Variants in NDP observed in about 807,000 individuals in gnomAD.
The protein encoded by NDP is norrin cystine knot growth factor NDP.
NDP carries 2 observed loss-of-function variants against 8.4 expected under a neutral mutation model. The observed-to-expected ratio is 0.24, with a 90% CI of 0.10 to 0.75. The LOEUF is 0.75. Among genes scored for constraint, NDP ranks in the 30% least tolerant of loss-of-function variants. The pLI is 0.73. For missense variants in NDP, 81 were observed against 110.1 expected, an observed-to-expected ratio of 0.74 and a Z score of 1.18; for synonymous variants, 55 against 45.6, an observed-to-expected ratio of 1.21 and a Z score of -0.83.
rs752083237 is a variant in NDP, at chrX:43,949,534, T to C, written c.*265A>G. On this transcript the variant is annotated 3_prime_UTR_variant, in exon 3 of 3. Coordinates refer to ENST00000642620, the MANE Select transcript of NDP (RefSeq NM_000266.4). ...TGAATTGTTGGAAACCCAAACAGCATTGAGAGCCAAGGGGGAAAATGCCTG... is the reference window on the plus strand; with the variant it reads ...TGAATTGTTGGAAACCCAAACAGCACTGAGAGCCAAGGGGGAAAATGCCTG... The C allele has an allele frequency of 5.2e-6, 2 of 382,336 alleles. No individual in the cohort carries two copies. Among genetic ancestry groups the C allele is most frequent in the Admixed American group, 8.6e-5 (2 of 23,221 alleles). The allele number at this position is 382,336 out of a possible 1,213,427, so 31.5% of individuals were successfully genotyped here.
intron 1 of NDP, among the ~76,000 whole-genome samples, chrX:43,959,217 A>G (rs1354461731): frequency 2.7e-5 from 3 of 111,318 alleles, no homozygotes; most frequent in Non-Finnish European, 3.8e-5. Context: ...TCGGGGCGGG[A>G]GGGTCTATTC....
Position 43,958,627 on chromosome X carries a change from C to G in NDP, c.19G>C (p.Ala7Pro). 2 of 1,211,010 alleles carry G rather than the reference C, an allele frequency of 1.7e-6. No individual in the cohort carries two copies. The highest frequency in any genetic ancestry group is 2.2e-6 in the Non-Finnish European group (2 of 894,795). The change falls in exon 2 of 3, where the codon GCT becomes CCT. Residue 7 changes from alanine (A) to proline (P), a missense_variant. Ala to Pro is a conservative substitution (Grantham distance 27). Coordinates refer to ENST00000642620, the MANE Select transcript of NDP (RefSeq NM_000266.4). ...AGGGAGAGCATAGAAAAGGATGCAG[C>G]TAGTACATGTTTTCTCATTGTTGTA... The part of the protein sequence containing the change: MRKHVL[A>P]ASFSMLSLLV...
chrX:43,958,905 AATGGAACCCAGGAG>A, intron 1 of NDP, 53 bp from the exon 2 acceptor site: 1 of 368,944 alleles, frequency 2.7e-6, no homozygotes, highest in Non-Finnish European at 4.8e-6. Flanking sequence ...CAGAACCACT[AATGGAACCCAGGAG>A]GTATTAAGTA....
At chrX:43,956,166 G>A in intron 2 of NDP, among the ~76,000 whole-genome samples, 1 of 111,840 alleles carries the variant, frequency 8.9e-6, no homozygotes, top group Non-Finnish European at 1.9e-5. Context: ...TACAATATGA[G>A]GTGCCTGACA....
At chrX:43,971,953 A>G (rs1005360443) in intron 1 of NDP, among the ~76,000 whole-genome samples, 5 of 111,498 alleles carry the variant, frequency 4.5e-5, no homozygotes, top group Non-Finnish European at 9.4e-5. Flanking sequence ...ATGAGCAGAT[A>G]TTTGCATCTG....
intron 2 of NDP, among the ~76,000 whole-genome samples, chrX:43,953,774 A>G (rs1423043192): frequency 8.8e-6 from 1 of 113,203 alleles, no homozygotes; most frequent in African/African-American, 3.2e-5. Context: ...ATCTGAAACC[A>G]AAGCCCTGAC....
At chrX:43,964,892 A>G (rs148915368) in intron 1 of NDP, among the ~76,000 whole-genome samples, 4,523 of 111,875 alleles carry the variant, frequency 0.04, 146 homozygotes, top group East Asian at 0.19. Flanking sequence ...TTGGGGCTAC[A>G]TATTCCCCAA....
At position 43,970,349 on chromosome X, in the gene NDP, C is replaced by G. The variant is rs2035884633; in HGVS notation, c.-208+2955G>C. Reference sequence around the variant, plus strand: ...CCTGGGCAAAGAAGCAGTCACTGGCCGTCATGGGAAGAGGTGAGGATGGGC... The same window carrying G: ...CCTGGGCAAAGAAGCAGTCACTGGCGGTCATGGGAAGAGGTGAGGATGGGC... On this transcript the variant is annotated intron_variant, in intron 1 of 2. Transcript: ENST00000642620. Among the ~76,000 whole-genome samples, 3 of 111,952 alleles carry G rather than the reference C, an allele frequency of 2.7e-5. No homozygotes were observed. The South Asian group carries it at 1.1e-3, about 42-fold the overall frequency.
intron 1 of NDP, among the ~76,000 whole-genome samples, chrX:43,973,102 G>T (rs1569248594): frequency 8.9e-6 from 1 of 112,722 alleles, no homozygotes; most frequent in East Asian, 2.8e-4. Context: ...TTTCTAGGAG[G>T]CTCCCTGCTC....
At chrX:43,965,932 G>A (rs978510173) in intron 1 of NDP, among the ~76,000 whole-genome samples, 3 of 111,445 alleles carry the variant, frequency 2.7e-5, no homozygotes, top group Non-Finnish European at 5.6e-5. Context: ...TATGGCACTT[G>A]GATCCTGTGC....
intron 2 of NDP, among the ~76,000 whole-genome samples, chrX:43,957,414 G>A (rs2035800833): frequency 9.0e-6 from 1 of 110,944 alleles, no homozygotes; most frequent in African/African-American, 3.3e-5. Flanking sequence ...TTTTCCCACA[G>A]TCATAGATCT....
rs1569245671 is a variant in NDP at position 43,958,679 on chromosome X, A to G, written c.-34T>C. 8.6e-7 allele frequency: 1 copy of G among 1,158,746 alleles called. No individual in the cohort carries two copies. The highest frequency in any genetic ancestry group is 1.2e-6 in the Non-Finnish European group (1 of 848,838). On this transcript the variant is annotated 5_prime_UTR_variant, in exon 2 of 3. Coordinates refer to ENST00000642620, the MANE Select transcript of NDP (RefSeq NM_000266.4). Reference sequence around the variant, plus strand: ...GGAAAAACTTCTCTAGAAGAACAGCAGAGGGAGGCAGAGGACAAAAAATTG... The same window carrying G: ...GGAAAAACTTCTCTAGAAGAACAGCGGAGGGAGGCAGAGGACAAAAAATTG...
chrX:43,949,712 C>T lies in NDP; in HGVS notation c.*87G>A. The stretch of plus-strand genomic sequence containing the variant: ...GGAGAATTGTTGCATCCTTTTTTGC[C>T]TTAACTCTTTTCTTGCCAGTCTTTC... On this transcript the variant is annotated 3_prime_UTR_variant, in exon 3 of 3. Coordinates refer to ENST00000642620, the MANE Select transcript of NDP (RefSeq NM_000266.4). 1.1e-6 allele frequency: 1 copy of T among 923,827 alleles called. No homozygotes were observed. 76.1% of individuals were successfully genotyped at this position (923,827 alleles called of 1,213,427 possible).
intron 2 of NDP, among the ~76,000 whole-genome samples, chrX:43,956,936 T>C (rs368540976): frequency 7.1e-4 from 80 of 112,144 alleles, no homozygotes; most frequent in African/African-American, 2.4e-3. Flanking sequence ...ATGTGATTGT[T>C]GCCAAAGTAC....
At chrX:43,959,108 C>G (rs181395454) in intron 1 of NDP, among the ~76,000 whole-genome samples, 109 of 111,818 alleles carry the variant, frequency 9.7e-4, no homozygotes, top group African/African-American at 3.2e-3. Context: ...GTCCATGTTC[C>G]TAGGGCCAAG....
intron 2 of NDP, 24 bp downstream of exon 2, chrX:43,958,448 T>G: frequency 8.3e-7 from 1 of 1,202,974 alleles, no homozygotes; most frequent in Non-Finnish European, 1.1e-6. Flanking sequence ...GGAAATGCTC[T>G]CCTCACAGAG....
chrX:43,967,458 G>C (rs1247307330), intron 1 of NDP, among the ~76,000 whole-genome samples: 1 of 110,682 alleles, frequency 9.0e-6, no homozygotes, highest in Non-Finnish European at 1.9e-5. Context: ...ATTTTACTTC[G>C]AGTTGAAGAT....
chrX:43,959,173 C>T (rs1005756934), intron 1 of NDP, among the ~76,000 whole-genome samples: 1 of 111,532 alleles, frequency 9.0e-6, no homozygotes, highest in Non-Finnish European at 1.9e-5. Flanking sequence ...ACAACGTAAC[C>T]GAATTGGGTG....
At chrX:43,955,632 AC>A (rs2035788612) in intron 2 of NDP, among the ~76,000 whole-genome samples, 1 of 112,118 alleles carries the variant, frequency 8.9e-6, no homozygotes, top group African/African-American at 3.2e-5. Context: ...TGAACCTGCT[AC>A]TCCCAGGATC....
Sources: allele counts gnomAD v4.1 joint callset (sites outside exome capture counted in the v4.1 genomes callset), GRCh38; gene constraint gnomAD v4.1.1; transcripts MANE v1.5; gene names NCBI Gene and HGNC (gene_info 2026-07-23, HGNC 2026-07-21).